SKI: variants seen among roughly 807,000 people sequenced by gnomAD.
The protein encoded by SKI is SKI proto-oncogene.
In SKI, 23 loss-of-function variants were observed where a neutral mutation model predicts 59.3. The ratio of observed to expected loss-of-function variants is 0.39; its 90% CI spans 0.28 to 0.55. The LOEUF is 0.55. SKI is among the 20% of genes least tolerant of loss of function. SKI has a pLI of 0.67. For missense variants in SKI, 1,017 were observed against 1,038.9 expected (o/e 0.98, Z 0.29); for synonymous variants, 673 against 488.6 (o/e 1.38, Z -4.98).
chr1:2,245,245 C>T (rs1193033783), intron 1 of SKI, among the ~76,000 whole-genome samples: 3 of 152,152 alleles, frequency 2.0e-5, no homozygotes, highest in East Asian at 3.8e-4. Flanking sequence ...CGCAGCCATG[C>T]GTAGCCTGTG....
intron 5 of SKI, 58 bp downstream of exon 5, chr1:2,304,643 A>T (rs186265550): frequency 2.1e-4 from 315 of 1,497,768 alleles, no homozygotes; most frequent in Non-Finnish European, 2.7e-4. Flanking sequence ...CACAGCCTGC[A>T]CCAGGTGAAC....
At chr1:2,305,915 T>C (rs2100923537) in intron 5 of SKI, 105 bp from the exon 6 acceptor site, 1 of 903,896 alleles carries the variant, frequency 1.1e-6, no homozygotes, top group Non-Finnish European at 1.8e-6. Context: ...CCAGGGCACA[T>C]TGTCAGATAG....
chr1:2,283,578 G>C (rs1209926696), intron 1 of SKI, among the ~76,000 whole-genome samples: 1 of 152,244 alleles, frequency 6.6e-6, no homozygotes, highest in Non-Finnish European at 1.5e-5. Flanking sequence ...CTGCAGGCCT[G>C]GGCCTTGGCT....
intron 1 of SKI, among the ~76,000 whole-genome samples, chr1:2,299,035 CTA>C (rs951188227): frequency 2.0e-5 from 3 of 152,190 alleles, no homozygotes; most frequent in Non-Finnish European, 4.4e-5. Context: ...ACAGCAGGCT[CTA>C]TGTGGTTGTT....
chr1:2,276,991 C>T (rs527347447), intron 1 of SKI, among the ~76,000 whole-genome samples: 1 of 152,270 alleles, frequency 6.6e-6, no homozygotes, highest in Admixed American at 6.5e-5. Flanking sequence ...ACAGCAGGGC[C>T]CTCACCCAGG....
chr1:2,233,482 C>A (rs1441406319), intron 1 of SKI, among the ~76,000 whole-genome samples: 1 of 152,032 alleles, frequency 6.6e-6, no homozygotes, highest in Non-Finnish European at 1.5e-5. Flanking sequence ...TCTTGCAGGT[C>A]CCCTTGCCCT....
intron 1 of SKI, among the ~76,000 whole-genome samples, chr1:2,246,117 G>T (rs1038905392): frequency 6.6e-6 from 1 of 152,194 alleles, no homozygotes; most frequent in African/African-American, 2.4e-5. Flanking sequence ...TTAAAGAACC[G>T]ACTGTTTTTC....
At chr1:2,263,710 G>T (rs1194278117) in intron 1 of SKI, among the ~76,000 whole-genome samples, 2 of 151,592 alleles carry the variant, frequency 1.3e-5, no homozygotes, top group Admixed American at 6.6e-5. Context: ...AATGTTTGGT[G>T]GGGGGACTGG....
chr1:2,283,574 G>T (rs896143023), intron 1 of SKI, among the ~76,000 whole-genome samples: 2 of 152,246 alleles, frequency 1.3e-5, no homozygotes, highest in Non-Finnish European at 1.5e-5. Flanking sequence ...TGTACTGCAG[G>T]CCTGGGCCTT....
rs532652497 is a variant in SKI at position 2,270,786 on chromosome 1, C to T, written c.970-32192C>T. 6.6e-6 allele frequency among the ~76,000 whole-genome samples: 1 copy of T among 152,308 alleles called. No individual in the cohort carries two copies. The highest frequency in any genetic ancestry group is 2.1e-4 in the South Asian group (1 of 4,830). On this transcript the variant is annotated intron_variant, in intron 1 of 6. Transcript: ENST00000378536. The surrounding 1 kb of genome is among the most constrained non-coding windows in gnomAD (Gnocchi z 4.1). ...TGGGGGCGAGGGCAGGGCTGTTTGG[C>T]TGTTGGACATCCTTGCTGTCCCTTT...
chr1:2,245,875 C>T (rs1175358788), intron 1 of SKI, among the ~76,000 whole-genome samples: 1 of 146,216 alleles, frequency 6.8e-6, no homozygotes, highest in East Asian at 2.1e-4. Context: ...CGGCTCACTG[C>T]AACCTCCGCC....
intron 1 of SKI, among the ~76,000 whole-genome samples, chr1:2,295,679 C>T (rs1195168353): frequency 6.6e-6 from 1 of 150,854 alleles, no homozygotes; most frequent in Admixed American, 6.6e-5. Context: ...GTGACTGTGT[C>T]CGGGTCACAC....
At chr1:2,236,871 G>T (rs1322927162) in intron 1 of SKI, among the ~76,000 whole-genome samples, 3 of 152,200 alleles carry the variant, frequency 2.0e-5, no homozygotes, top group Admixed American at 6.5e-5. Context: ...TGGACCAACT[G>T]CGGCTTCTGC....
intron 1 of SKI, among the ~76,000 whole-genome samples, chr1:2,281,022 C>A (rs71511337): frequency 7.4e-5 from 1 of 13,468 alleles, no homozygotes; most frequent in Admixed American, 1.2e-3. Flanking sequence ...GCGGCGGCGG[C>A]GATCTTCAGA....
chr1:2,271,983 G>A (rs1352240332), intron 1 of SKI, among the ~76,000 whole-genome samples: 1 of 152,172 alleles, frequency 6.6e-6, no homozygotes, highest in East Asian at 1.9e-4. Flanking sequence ...TCTCGCAGCT[G>A]TTCTCCTCTG....
rs1228268050 is a variant in SKI at position 2,303,631 on chromosome 1, T to A, written c.1212-209T>A. 1 of 728,008 alleles carries A rather than the reference T, an allele frequency of 1.4e-6. No homozygotes were observed. Among genetic ancestry groups the A allele is most frequent in the Non-Finnish European group, 2.3e-6 (1 of 443,742 alleles). The allele number at this position is 728,008 out of a possible 1,614,324, so 45.1% of individuals were successfully genotyped here. On this transcript the variant is annotated intron_variant, in intron 3 of 6. Coordinates refer to ENST00000378536, the MANE Select transcript of SKI (RefSeq NM_003036.4). This position sits in a 1 kb window ranked among gnomAD's most constrained non-coding sequence, Gnocchi z 5.6. ...AGCCCTGTCTGCTGGGCGCAGCTTC[T>A]TGATGTGTTGGCCTGTGTCTGGCCT...
At chr1:2,274,608 C>T (rs1451298497) in intron 1 of SKI, among the ~76,000 whole-genome samples, 1 of 152,238 alleles carries the variant, frequency 6.6e-6, no homozygotes, top group Non-Finnish European at 1.5e-5. Context: ...TGGCCACGTC[C>T]CTCTAACATG....
At chr1:2,293,550 G>C (rs939721409) in intron 1 of SKI, among the ~76,000 whole-genome samples, 3 of 152,196 alleles carry the variant, frequency 2.0e-5, no homozygotes, top group Admixed American at 6.5e-5. Flanking sequence ...ACTGCGTTTG[G>C]ATGATTTCTT....
In SKI at chr1:2,304,296, C is replaced by T. The variant is rs1017360678; in HGVS notation, c.1478C>T (p.Thr493Ile). 1 of 1,551,698 alleles carries T rather than the reference C, an allele frequency of 6.4e-7. No homozygotes were observed. Among genetic ancestry groups the T allele is most frequent in the Non-Finnish European group, 8.7e-7 (1 of 1,146,922 alleles). The change falls in exon 5 of 7, where the codon ACC (threonine) becomes ATC (isoleucine). Residue 493 changes from threonine to isoleucine, a missense_variant. Coordinates refer to ENST00000378536, the MANE Select transcript of SKI (RefSeq NM_003036.4). ...TCTGTCTCTGCTTCCTCCTCAGTCA[C>T]CTCCTCCTTGTCCTCGCTCTCTTCC... The part of the protein sequence containing the change: ...EVEVESREEF[T>I]SSLSSLSSPS...
Sources: allele counts gnomAD v4.1 joint callset (sites outside exome capture counted in the v4.1 genomes callset), GRCh38; gene constraint gnomAD v4.1.1; non-coding constraint Gnocchi (gnomAD v3.1); transcripts MANE v1.5; gene names NCBI Gene and HGNC (gene_info 2026-07-23, HGNC 2026-07-21).